Variants in ZFPM1 observed in about 807,000 individuals in gnomAD.
ZFPM1 encodes zinc finger protein ZFPM1.
A neutral mutation model predicts 46.3 loss-of-function variants in ZFPM1; 28 were observed. The observed-to-expected ratio is 0.60, with a 90% CI of 0.45 to 0.83. ZFPM1 has a LOEUF of 0.83. Among genes scored for constraint, ZFPM1 ranks in the 40% least tolerant of loss-of-function variants. The probability of loss-of-function intolerance (pLI) is 0.00; values close to 1 mark genes in which losing one functional copy is unlikely to be tolerated. For synonymous variants in ZFPM1, 957 were observed against 675.9 expected, an observed-to-expected ratio of 1.42 and a Z score of -6.45; for missense variants, 1,878 against 1,432.4, an observed-to-expected ratio of 1.31 and a Z score of -5.02.
At chr16:88,494,422 C>T (rs534190544) in intron 3 of ZFPM1, among the ~76,000 whole-genome samples, 3 of 152,226 alleles carry the variant, frequency 2.0e-5, no homozygotes, top group Non-Finnish European at 4.4e-5. Context: ...GCAGTGCGGC[C>T]CCGCTGTCCA....
At chr16:88,465,308 A>G (rs976359564) in intron 1 of ZFPM1, among the ~76,000 whole-genome samples, 13 of 152,234 alleles carry the variant, frequency 8.5e-5, no homozygotes, top group African/African-American at 2.7e-4. Flanking sequence ...GGGAGCTAGT[A>G]ACCGTGGCCC....
At chr16:88,482,355 G>T (rs1360547093) in intron 1 of ZFPM1, among the ~76,000 whole-genome samples, 1 of 152,160 alleles carries the variant, frequency 6.6e-6, no homozygotes, top group African/African-American at 2.4e-5. Context: ...CAGGCCCAGG[G>T]CAGCATCCAC....
At chr16:88,457,878 C>T (rs780344453) in intron 1 of ZFPM1, among the ~76,000 whole-genome samples, 14 of 152,092 alleles carry the variant, frequency 9.2e-5, no homozygotes, top group Admixed American at 8.5e-4. Context: ...CAGGGTCTGG[C>T]GGACCCCGGA....
intron 3 of ZFPM1, among the ~76,000 whole-genome samples, chr16:88,491,701 C>T (rs963309500): frequency 1.3e-5 from 2 of 152,208 alleles, no homozygotes; most frequent in African/African-American, 4.8e-5. Flanking sequence ...GGCACACCCC[C>T]GAGCTTCCTG....
At position 88,534,238 on chromosome 16, in the gene ZFPM1, C is replaced by G. The variant is rs1378195248; in HGVS notation, c.2280C>G (p.Pro760=). 2.0e-6 allele frequency: 2 copies of G among 994,648 alleles called. No homozygotes were observed. The highest frequency in any genetic ancestry group is 2.4e-6 in the Non-Finnish European group (2 of 837,614). 61.6% of individuals were successfully genotyped at this position (994,648 alleles called of 1,614,324 possible). A position where few individuals can be genotyped will look rare whatever the true frequency, so the allele number is the denominator to read the frequency against. ...HAAGAPPPPP[P]GHAPAPESPR... ...CCGGCGCCCCGCCCCCCCCGCCGCC[C>G]GGCCACGCCCCCGCGCCCGAGTCGC... The change falls in exon 10 of 10, where the codon CCC becomes CCG. Residue 760 remains proline (P), a synonymous_variant. Transcript: ENST00000319555.
chr16:88,460,089 C>G (rs1176656566), intron 1 of ZFPM1, among the ~76,000 whole-genome samples: 1 of 151,950 alleles, frequency 6.6e-6, no homozygotes, highest in Non-Finnish European at 1.5e-5. Context: ...ATACTCTTGC[C>G]CTCTTGGGCT....
chr16:88,526,557 C>A (rs1048601889), intron 4 of ZFPM1, among the ~76,000 whole-genome samples: 2 of 152,200 alleles, frequency 1.3e-5, no homozygotes, highest in Non-Finnish European at 2.9e-5. Context: ...CACAAGAACC[C>A]TGCGCCCAAC....
Position 88,533,983 on chromosome 16 carries a change from C to T in ZFPM1, c.2025C>T (p.Asp675=). 1 of 1,345,042 alleles carries T rather than the reference C, an allele frequency of 7.4e-7. No individual in the cohort carries two copies. 83.3% of individuals were successfully genotyped at this position (1,345,042 alleles called of 1,614,324 possible). The part of the protein sequence containing the change: ...GSQSPGSSVD[D]AEDDPSRTLC... ...AGAGCCCGGGTAGCTCCGTGGACGACGCGGAGGACGACCCCAGCCGCACGC... is the reference window on the plus strand; with the variant it reads ...AGAGCCCGGGTAGCTCCGTGGACGATGCGGAGGACGACCCCAGCCGCACGC... Residue 675 remains aspartate, a synonymous_variant, in exon 10 of 10, where the codon GAC becomes GAT. Transcript: ENST00000319555.
At chr16:88,502,392 C>T (rs959182747) in intron 3 of ZFPM1, among the ~76,000 whole-genome samples, 7 of 152,118 alleles carry the variant, frequency 4.6e-5, no homozygotes, top group Non-Finnish European at 8.8e-5. Context: ...TCAGGACCCA[C>T]CTCTGCCCCA....
chr16:88,460,917 AGGGG>A (rs1907794296), intron 1 of ZFPM1, among the ~76,000 whole-genome samples: 1 of 36,860 alleles, frequency 2.7e-5, no homozygotes, highest in Non-Finnish European at 5.3e-5. Context: ...GTGAGGACCG[AGGGG>A]CGGGGCGGGA....
At chr16:88,503,844 C>T (rs544266483) in intron 3 of ZFPM1, among the ~76,000 whole-genome samples, 346 of 152,278 alleles carry the variant, frequency 2.3e-3, no homozygotes, top group Non-Finnish European at 3.9e-3. Flanking sequence ...AGGCCTCAGT[C>T]TCCCCCTGGT....
intron 3 of ZFPM1, among the ~76,000 whole-genome samples, chr16:88,495,792 T>G (rs947402701): frequency 4.6e-5 from 7 of 151,992 alleles, no homozygotes; most frequent in Non-Finnish European, 8.8e-5. Flanking sequence ...GCCAGGGTGG[T>G]GGGGTTCCCT....
In ZFPM1 at chr16:88,532,637, A is replaced by G; in HGVS notation, c.970A>G (p.Ile324Val). Residue 324 changes from isoleucine (I) to valine (V), a missense_variant, in exon 8 of 10, where the codon ATC becomes GTC. By Grantham distance (29) the Ile-to-Val change is conservative. Transcript: ENST00000319555. ...HSGERPFVCL[I>V]CLSAFTTKAN... is the part of the protein sequence containing the mutation. Reference sequence around the variant, plus strand: ...AGGAGAGCGGCCCTTCGTGTGCCTGATCTGCCTGTCGGCCTTCACCACCAA... The same window carrying G: ...AGGAGAGCGGCCCTTCGTGTGCCTGGTCTGCCTGTCGGCCTTCACCACCAA... The G allele has an allele frequency of 6.3e-7, 1 of 1,582,896 alleles. No individual in the cohort carries two copies.
At position 88,496,461 on chromosome 16, in the gene ZFPM1, C is replaced by T. The variant is rs78615607; in HGVS notation, c.268+7308C>T. On this transcript the variant is annotated intron_variant, in intron 3 of 9. Transcript: ENST00000319555. The stretch of plus-strand genomic sequence containing the variant: ...AGCAATCCTCATGAAGCCCAGACCC[C>T]GCCCCACCCCCACTGACTCCAGGGG... Among the ~76,000 whole-genome samples, 735 of 152,106 alleles carry T rather than the reference C, an allele frequency of 4.8e-3. 9 individuals carry two copies. The highest frequency in any genetic ancestry group is 0.017 in the African/African-American group (697 of 41,496).
At chr16:88,483,579 T>C (rs1909062264) in intron 1 of ZFPM1, among the ~76,000 whole-genome samples, 1 of 152,186 alleles carries the variant, frequency 6.6e-6, no homozygotes, top group Admixed American at 6.5e-5. Context: ...CTTTCTCTCA[T>C]GGCCCCTTCC....
At chr16:88,459,201 C>T (rs946454232) in intron 1 of ZFPM1, among the ~76,000 whole-genome samples, 1 of 152,198 alleles carries the variant, frequency 6.6e-6, no homozygotes, top group Non-Finnish European at 1.5e-5. Flanking sequence ...CCAGCCCATC[C>T]TGTCACCCAC....
intron 1 of ZFPM1, among the ~76,000 whole-genome samples, chr16:88,482,866 C>T (rs549395943): frequency 1.2e-3 from 184 of 152,304 alleles, no homozygotes; most frequent in Non-Finnish European, 2.1e-3. Context: ...CCCGCCAAGT[C>T]GGGGATGGCC....
chr16:88,514,082 C>T (rs1191216555), intron 3 of ZFPM1, among the ~76,000 whole-genome samples: 2 of 152,190 alleles, frequency 1.3e-5, no homozygotes, highest in Admixed American at 6.5e-5. Context: ...ACTGTGCGGC[C>T]GGGCTCTGTG....
intron 3 of ZFPM1, among the ~76,000 whole-genome samples, chr16:88,508,704 G>A (rs149974899): frequency 2.6e-4 from 39 of 152,336 alleles, no homozygotes; most frequent in African/African-American, 7.7e-4. Flanking sequence ...CAGAGTTTGC[G>A]CGGAGGTCAC....
Sources: allele counts gnomAD v4.1 joint callset (sites outside exome capture counted in the v4.1 genomes callset), GRCh38; gene constraint gnomAD v4.1.1; transcripts MANE v1.5; gene names NCBI Gene and HGNC (gene_info 2026-07-23, HGNC 2026-07-21).